Variants in FSTL4 observed in about 807,000 individuals in gnomAD.
The protein encoded by FSTL4 is follistatin like 4, also known as follistatin-related protein 4.
Under a neutral mutation model 78.2 loss-of-function variants are expected in FSTL4, and 28 were observed. That is an observed-to-expected ratio of 0.36 (90% CI 0.27 to 0.49). The LOEUF (loss-of-function observed/expected upper bound fraction) is 0.49. Ranked by LOEUF, FSTL4 falls within the 20% of genes least tolerant of loss-of-function variation. The pLI is 0.98. For synonymous variants in FSTL4, 422 were observed against 440.5 expected (o/e 0.96, Z 0.53); for missense variants, 922 against 1,084.9 (o/e 0.85, Z 2.11).
At chr5:133,384,636 G>T (rs1561695267) in intron 4 of FSTL4, among the ~76,000 whole-genome samples, 1 of 152,148 alleles carries the variant, frequency 6.6e-6, no homozygotes, top group African/African-American at 2.4e-5. Context: ...TGGCTTTGTT[G>T]AATGTCCTCG....
the FSTL4 span, among the ~76,000 whole-genome samples, chr5:133,669,806 C>T: frequency 6.6e-6 from 1 of 152,202 alleles, no homozygotes; most frequent in African/African-American, 2.4e-5. Flanking sequence ...ACCACAGATC[C>T]ACCCAGCCCA....
chr5:133,245,477 C>A (rs939191746), intron 7 of FSTL4, among the ~76,000 whole-genome samples: 14 of 152,246 alleles, frequency 9.2e-5, no homozygotes, highest in African/African-American at 3.4e-4. Context: ...ATTCAAGGAC[C>A]TTTATGTTCT....
the FSTL4 span, among the ~76,000 whole-genome samples, chr5:133,650,092 G>T: frequency 6.6e-6 from 1 of 152,134 alleles, no homozygotes; most frequent in Non-Finnish European, 1.5e-5. Flanking sequence ...GAGGAAGCAA[G>T]AGAGAGTGGG....
chr5:133,593,279 G>C (rs1035539958), intron 2 of FSTL4, among the ~76,000 whole-genome samples: 1 of 151,538 alleles, frequency 6.6e-6, no homozygotes, highest in Admixed American at 6.6e-5. Flanking sequence ...TACACTGCCA[G>C]CCCAAGTCCT....
chr5:133,357,295 G>A (rs75939099), intron 4 of FSTL4, among the ~76,000 whole-genome samples: 1,787 of 152,216 alleles, frequency 0.012, 41 homozygotes, highest in African/African-American at 0.041. Context: ...AGAACTCCCC[G>A]TTGGCCTCTC....
chr5:133,394,665 C>G (rs1755954988), intron 4 of FSTL4, among the ~76,000 whole-genome samples: 1 of 152,216 alleles, frequency 6.6e-6, no homozygotes, highest in African/African-American at 2.4e-5. Context: ...TGGCCCGAGC[C>G]TCCCCAACGA....
intron 6 of FSTL4, among the ~76,000 whole-genome samples, chr5:133,282,918 T>G (rs189213102): frequency 6.6e-6 from 1 of 152,210 alleles, no homozygotes; most frequent in Non-Finnish European, 1.5e-5. Context: ...AGTCTTGCAA[T>G]GCTCATCTGA....
At chr5:133,448,279 T>C (rs553162362) in intron 3 of FSTL4, among the ~76,000 whole-genome samples, 1 of 152,182 alleles carries the variant, frequency 6.6e-6, no homozygotes, top group African/African-American at 2.4e-5. Context: ...TCCCTGCACC[T>C]CTATTTTCCA....
chr5:133,627,870 T>C, the FSTL4 span, among the ~76,000 whole-genome samples: 3 of 151,700 alleles, frequency 2.0e-5, no homozygotes, highest in African/African-American at 7.2e-5. Flanking sequence ...ATTTTTGCAT[T>C]ATTTATATTT....
At chr5:133,805,432 C>T in the FSTL4 span, among the ~76,000 whole-genome samples, 2 of 152,074 alleles carry the variant, frequency 1.3e-5, no homozygotes, top group Non-Finnish European at 2.9e-5. Context: ...GAAGAGGGAA[C>T]AAAAAACTCA....
At chr5:133,616,286 A>T (rs2112991440), upstream of FSTL4, among the ~76,000 whole-genome samples, 1 of 151,118 alleles carries the variant, frequency 6.6e-6, no homozygotes, top group South Asian at 2.1e-4. Context: ...ACCAGTATAG[A>T]ATCATAAATA....
the FSTL4 span, among the ~76,000 whole-genome samples, chr5:133,793,995 A>G: frequency 1.3e-5 from 2 of 152,058 alleles, no homozygotes; most frequent in Non-Finnish European, 1.5e-5. Context: ...TGCTTCTGAG[A>G]CTCCTTGGCA....
At chr5:133,704,336 C>T in the FSTL4 span, among the ~76,000 whole-genome samples, 1 of 152,202 alleles carries the variant, frequency 6.6e-6, no homozygotes, top group Non-Finnish European at 1.5e-5. Context: ...GCTGTGGGCA[C>T]AGCCCTAGTG....
chr5:133,324,042 G>A (rs1367654377), intron 4 of FSTL4, among the ~76,000 whole-genome samples: 2 of 152,170 alleles, frequency 1.3e-5, no homozygotes, highest in Non-Finnish European at 2.9e-5. Context: ...TGAGCAAAGG[G>A]AGATAGGTAG....
At chr5:133,259,661 T>G (rs959466375) in intron 6 of FSTL4, among the ~76,000 whole-genome samples, 2 of 151,828 alleles carry the variant, frequency 1.3e-5, no homozygotes, top group African/African-American at 4.8e-5. Flanking sequence ...ACTCCGGCTG[T>G]TGTGCAAATA....
At chr5:133,524,272 T>C (rs536918438) in intron 3 of FSTL4, among the ~76,000 whole-genome samples, 1 of 152,188 alleles carries the variant, frequency 6.6e-6, no homozygotes, top group South Asian at 2.1e-4. Context: ...TGGGAAGAAA[T>C]TGGATTTTAT....
intron 3 of FSTL4, among the ~76,000 whole-genome samples, chr5:133,422,032 G>A (rs538852209): frequency 1.3e-5 from 2 of 152,306 alleles, no homozygotes; most frequent in South Asian, 4.1e-4. Context: ...AGCATGGAGT[G>A]AGGGAACAAG....
At chr5:133,711,445 G>A in the FSTL4 span, among the ~76,000 whole-genome samples, 1 of 152,354 alleles carries the variant, frequency 6.6e-6, no homozygotes, top group Admixed American at 6.5e-5. Context: ...CCGCTGAAAG[G>A]GCCAGGGATG....
chr5:133,427,732 C>G (rs202185950), intron 3 of FSTL4: 2 of 502,008 alleles, frequency 4.0e-6, no homozygotes, highest in Non-Finnish European at 8.5e-6. Flanking sequence ...AAGCTGTGGT[C>G]TTAGATCACA....
Sources: allele counts gnomAD v4.1 joint callset (sites outside exome capture counted in the v4.1 genomes callset), GRCh38; gene constraint gnomAD v4.1.1; transcripts MANE v1.5; gene names NCBI Gene and HGNC (gene_info 2026-07-23, HGNC 2026-07-21).